Variants in PRKCE observed in about 807,000 individuals in gnomAD.
PRKCE encodes protein kinase C epsilon, also known as protein kinase C epsilon type.
In PRKCE, 16 loss-of-function variants were observed where a neutral mutation model predicts 85.4. The observed-to-expected ratio is 0.19, with a 90% CI of 0.13 to 0.28. PRKCE has a LOEUF of 0.28. Among genes scored for constraint, PRKCE ranks in the 10% least tolerant of loss-of-function variants. The probability of loss-of-function intolerance (pLI) is 1.00; values close to 1 mark genes in which losing one functional copy is unlikely to be tolerated. For synonymous variants in PRKCE, 388 were observed against 371.5 expected (o/e 1.04, Z -0.51); for missense variants, 573 against 975.2 (o/e 0.59, Z 5.49).
intron 2 of PRKCE, among the ~76,000 whole-genome samples, chr2:45,867,027 C>T (rs1693671448): frequency 6.6e-6 from 1 of 152,170 alleles, no homozygotes; most frequent in Admixed American, 6.5e-5. Flanking sequence ...AAATCAGAAT[C>T]CTTAGGGGTG....
At chr2:45,676,092 C>T (rs1676433566) in intron 1 of PRKCE, 1 of 152,176 alleles carries the variant, frequency 6.6e-6, no homozygotes, top group Non-Finnish European at 1.5e-5. Context: ...AGTTGTTTAC[C>T]ATTGGCGTGA....
intron 1 of PRKCE, among the ~76,000 whole-genome samples, chr2:45,731,080 T>C (rs1415443869): frequency 6.6e-6 from 1 of 152,198 alleles, no homozygotes; most frequent in Non-Finnish European, 1.5e-5. Flanking sequence ...CAGGGAGAAC[T>C]CTCAGGCAGA....
chr2:45,861,398 G>T (rs991478441), intron 2 of PRKCE, among the ~76,000 whole-genome samples: 1 of 152,154 alleles, frequency 6.6e-6, no homozygotes, highest in African/African-American at 2.4e-5. Flanking sequence ...AATATGCTAT[G>T]TAATTACCTG....
chr2:45,910,748 G>T (rs908012573), intron 2 of PRKCE, among the ~76,000 whole-genome samples: 9 of 152,192 alleles, frequency 5.9e-5, no homozygotes, highest in Non-Finnish European at 1.5e-5. Flanking sequence ...GAACAGGGAG[G>T]AAAGATGGTT....
intron 1 of PRKCE, among the ~76,000 whole-genome samples, chr2:45,820,886 AC>A (rs1689474453): frequency 6.8e-6 from 1 of 146,264 alleles, no homozygotes; most frequent in African/African-American, 2.5e-5. Flanking sequence ...CTGTCTCCCC[AC>A]CCCCTTCCCA....
chr2:46,045,647 A>G (rs1047135831), intron 10 of PRKCE, among the ~76,000 whole-genome samples: 1 of 152,224 alleles, frequency 6.6e-6, no homozygotes, highest in East Asian at 1.9e-4. Flanking sequence ...GGGAGGCTGA[A>G]GCGGGATGAT....
At chr2:46,038,300 AGT>A (rs1459298072) in intron 10 of PRKCE, among the ~76,000 whole-genome samples, 1 of 152,120 alleles carries the variant, frequency 6.6e-6, no homozygotes, top group Non-Finnish European at 1.5e-5. Flanking sequence ...GTCTTGGCAA[AGT>A]GGGGTGGGGA....
At chr2:45,997,795 C>A (rs1704342362) in intron 6 of PRKCE, among the ~76,000 whole-genome samples, 1 of 152,202 alleles carries the variant, frequency 6.6e-6, no homozygotes, top group Admixed American at 6.5e-5. Context: ...GATCCACCTG[C>A]CTTGGCCTCC....
intron 1 of PRKCE, among the ~76,000 whole-genome samples, chr2:45,712,384 A>G (rs1006943534): frequency 2.6e-5 from 4 of 151,062 alleles, no homozygotes; most frequent in African/African-American, 9.7e-5. Context: ...CGAACTTCTG[A>G]CCTCAAGTGA....
At chr2:45,963,282 G>A (rs1484916575) in intron 2 of PRKCE, among the ~76,000 whole-genome samples, 1 of 152,024 alleles carries the variant, frequency 6.6e-6, no homozygotes, top group Non-Finnish European at 1.5e-5. Flanking sequence ...CTCAGACTGG[G>A]TGGCATAATA....
At chr2:46,049,249 A>T (rs765502067) in intron 10 of PRKCE, among the ~76,000 whole-genome samples, 1 of 152,172 alleles carries the variant, frequency 6.6e-6, no homozygotes, top group Non-Finnish European at 1.5e-5. Context: ...GTTTCTGCTT[A>T]GAAGCTTCCC....
At chr2:45,700,302 A>C (rs1376474921) in intron 1 of PRKCE, among the ~76,000 whole-genome samples, 1 of 151,950 alleles carries the variant, frequency 6.6e-6, no homozygotes, top group African/African-American at 2.4e-5. Flanking sequence ...AAAGAAATGG[A>C]AAACTAAGGG....
intron 10 of PRKCE, among the ~76,000 whole-genome samples, chr2:46,036,312 C>T (rs1158728763): frequency 4.6e-5 from 7 of 152,198 alleles, no homozygotes; most frequent in Admixed American, 4.6e-4. Flanking sequence ...TGTGGTGGCT[C>T]ATGCCTGTAA....
chr2:45,895,116 C>T lies in PRKCE; in HGVS notation c.412+52053C>T, dbSNP rs902727372. On this transcript the variant is annotated intron_variant, in intron 2 of 14. Transcript: ENST00000306156. This position sits in a 1 kb window ranked among gnomAD's most constrained non-coding sequence, Gnocchi z 4.8. ...TTAAGCATTAGTTGTGAGCATTTGG[C>T]CACGTGGTAGGGAGAATGAAAAGGC... Among the ~76,000 whole-genome samples the T allele has an allele frequency of 3.3e-5, 5 of 152,122 alleles. No individual in the cohort carries two copies. The highest frequency in any genetic ancestry group is 9.7e-5 in the African/African-American group (4 of 41,398).
chr2:46,127,372 AAGAG>A (rs969718850), intron 11 of PRKCE, among the ~76,000 whole-genome samples: 20 of 152,306 alleles, frequency 1.3e-4, no homozygotes, highest in African/African-American at 4.6e-4. Flanking sequence ...ATATATATAA[AAGAG>A]AGAGCACGCC....
chr2:45,976,940 A>G lies in PRKCE; in HGVS notation c.572+352A>G, dbSNP rs983871571. ...GAGACAGAGTCTAGCTCTGTTGCCCAGGCTGGAGTGCAGTGGCATGATCTC... is the reference window on the plus strand; with the variant it reads ...GAGACAGAGTCTAGCTCTGTTGCCCGGGCTGGAGTGCAGTGGCATGATCTC... On this transcript the variant is annotated intron_variant, in intron 3 of 14. Transcript: ENST00000306156. Among the ~76,000 whole-genome samples, 9 of 150,014 alleles carry G rather than the reference A, an allele frequency of 6.0e-5. No homozygotes were observed. The East Asian group carries it at 1.6e-3, about 26-fold the overall frequency.
intron 2 of PRKCE, among the ~76,000 whole-genome samples, chr2:45,973,114 C>G (rs898893027): frequency 1.3e-5 from 2 of 152,188 alleles, no homozygotes; most frequent in Non-Finnish European, 2.9e-5. Context: ...TATGTGGGAT[C>G]TACATTTTGG....
chr2:45,861,550 G>A (rs10460535), intron 2 of PRKCE, among the ~76,000 whole-genome samples: 5,348 of 152,126 alleles, frequency 0.035, 234 homozygotes, highest in East Asian at 0.26. Flanking sequence ...ATACCTCTTC[G>A]CATGAGGCTT....
intron 1 of PRKCE, among the ~76,000 whole-genome samples, chr2:45,800,864 G>A (rs1465674639): frequency 6.6e-6 from 1 of 152,202 alleles, no homozygotes; most frequent in Non-Finnish European, 1.5e-5. Context: ...ATGAGCCATG[G>A]TTCCAGGTCC....
Sources: gnomAD v4.1 joint callset for allele counts (sites outside exome capture counted in the v4.1 genomes callset) on GRCh38, gnomAD v4.1.1 for gene constraint, Gnocchi (gnomAD v3.1) non-coding constraint, MANE v1.5 for transcripts, NCBI Gene and HGNC (gene_info 2026-07-23, HGNC 2026-07-21) for gene names.